The following RNF144A variants were observed in gnomAD, a reference collection of about 807,000 sequenced individuals.
RNF144A encodes the protein E3 ubiquitin-protein ligase RNF144A.
Under a neutral mutation model 38.7 loss-of-function variants are expected in RNF144A, and 11 were observed. The ratio of observed to expected loss-of-function variants is 0.28; its 90% confidence interval spans 0.18 to 0.47. The LOEUF is 0.47. Among genes scored for constraint, RNF144A ranks in the 20% least tolerant of loss-of-function variants. RNF144A has a pLI of 0.99. For missense variants in RNF144A, 316 were observed against 377.2 expected (o/e 0.84, Z 1.34); for synonymous variants, 149 against 143.9 (o/e 1.04, Z -0.25).
At chr2:7,006,061 C>T (rs1670423758) in intron 3 of RNF144A, among the ~76,000 whole-genome samples, 1 of 151,560 alleles carries the variant, frequency 6.6e-6, no homozygotes, top group South Asian at 2.1e-4. Flanking sequence ...CTCGTGTTGC[C>T]CCTGAAATCA....
chr2:7,075,939 A>C, the RNF144A span, among the ~76,000 whole-genome samples: 1 of 152,162 alleles, frequency 6.6e-6, no homozygotes, highest in Non-Finnish European at 1.5e-5. Context: ...TGTGTTTCTT[A>C]CTGTACTTTG....
At chr2:6,948,818 G>A (rs1210316039) in intron 2 of RNF144A, among the ~76,000 whole-genome samples, 2 of 152,196 alleles carry the variant, frequency 1.3e-5, no homozygotes. Context: ...CCATTTTAAG[G>A]GCTATCAGCT....
chr2:6,990,440 CTATA>C (rs558896860), intron 2 of RNF144A, among the ~76,000 whole-genome samples: 30 of 64,752 alleles, frequency 4.6e-4, no homozygotes, highest in African/African-American at 1.3e-3. Flanking sequence ...ACACACAGAG[CTATA>C]TATATATATA....
chr2:6,946,726 G>A lies in RNF144A; in HGVS notation c.-12+5579G>A, dbSNP rs192983133. 2.4e-4 allele frequency among the ~76,000 whole-genome samples: 36 copies of A among 152,090 alleles called. No homozygotes were observed. In the East Asian group the frequency reaches 6.0e-3, roughly 25 times the overall value. On this transcript the variant is annotated intron_variant, in intron 2 of 8. Transcript: ENST00000320892. The stretch of plus-strand genomic sequence containing the variant: ...GAAGCATTTTTAATAATAAAATCAC[G>A]TATTAAGATTTTTTTCAAGCTCGTT...
intron 3 of RNF144A, among the ~76,000 whole-genome samples, chr2:6,998,893 G>T (rs564334234): frequency 1.3e-5 from 2 of 152,208 alleles, no homozygotes; most frequent in South Asian, 2.1e-4. Flanking sequence ...AATGCCTTGT[G>T]GGGGGTGGGG....
At chr2:7,049,052 C>T (rs889406389), downstream of RNF144A, among the ~76,000 whole-genome samples, 3 of 152,146 alleles carry the variant, frequency 2.0e-5, no homozygotes, top group African/African-American at 4.8e-5. Flanking sequence ...GTTTGTGGGG[C>T]CCTATAGGAT....
chr2:7,050,066 T>A (rs309289), intron 6 of RNF144A, among the ~76,000 whole-genome samples: 52,390 of 152,116 alleles, frequency 0.34, 10,330 homozygotes, highest in South Asian at 0.56. Flanking sequence ...AAGGAAGAAC[T>A]GTTTGCCTTT....
chr2:7,043,305 G>C lies in RNF144A; in HGVS notation c.*3545G>C. The C allele has an allele frequency of 1.0e-6, 1 of 985,176 alleles. No homozygotes were observed. Among genetic ancestry groups the C allele is most frequent in the Non-Finnish European group, 1.2e-6 (1 of 829,752 alleles). 61.0% of individuals were successfully genotyped at this position (985,176 alleles called of 1,614,324 possible). A position where few individuals can be genotyped will look rare whatever the true frequency, so the allele number is the denominator to read the frequency against. Reference sequence around the variant, plus strand: ...AGATGCAAAAATTACTTCAAGATGAGTTTATTGTTTTCATTTGTATTGCAA... The same window carrying C: ...AGATGCAAAAATTACTTCAAGATGACTTTATTGTTTTCATTTGTATTGCAA... On this transcript the variant is annotated 3_prime_UTR_variant, in exon 9 of 9. Transcript: ENST00000320892.
chr2:6,976,382 C>T (rs1053542470), intron 2 of RNF144A, among the ~76,000 whole-genome samples: 1 of 150,956 alleles, frequency 6.6e-6, no homozygotes, highest in East Asian at 2.0e-4. Flanking sequence ...TTTTTCTTTT[C>T]CTGTGAATTT....
chr2:6,971,289 C>T (rs1158556607), intron 2 of RNF144A, among the ~76,000 whole-genome samples: 1 of 152,154 alleles, frequency 6.6e-6, no homozygotes, highest in Non-Finnish European at 1.5e-5. Flanking sequence ...TTGAGTGGGC[C>T]TACCTTCTTT....
At chr2:7,034,817 C>T (rs115698492) in intron 8 of RNF144A, among the ~76,000 whole-genome samples, 2,035 of 152,240 alleles carry the variant, frequency 0.013, 49 homozygotes, top group African/African-American at 0.047. Flanking sequence ...ACAGTGTGAG[C>T]GGAGGCACAG....
chr2:6,973,648 A>G (rs1668128084), intron 2 of RNF144A, among the ~76,000 whole-genome samples: 1 of 152,244 alleles, frequency 6.6e-6, no homozygotes. Flanking sequence ...AGGAAAATTA[A>G]CTTTGTTCCA....
chr2:7,073,787 C>T, the RNF144A span, among the ~76,000 whole-genome samples: 1 of 152,288 alleles, frequency 6.6e-6, no homozygotes, highest in African/African-American at 2.4e-5. Context: ...TAAATTGGTC[C>T]TTGTAGGGTC....
intron 1 of RNF144A, among the ~76,000 whole-genome samples, chr2:6,932,460 T>A (rs1387435441): frequency 2.0e-5 from 3 of 152,046 alleles, no homozygotes; most frequent in Non-Finnish European, 4.4e-5. Flanking sequence ...ATTTGGAGAT[T>A]TTTTTTTCCT....
chr2:7,030,257 C>CTG (rs58324246), intron 8 of RNF144A, 42 bp downstream of exon 8: 20,199 of 721,602 alleles, frequency 0.028, 223 homozygotes, highest in African/African-American at 0.044. Flanking sequence ...CAGAGAGAGA[C>CTG]TGTGTGTGTG....
Position 6,941,617 on chromosome 2 carries a change from A to G in RNF144A, c.-12+470A>G, listed in dbSNP as rs1020010351. ...AGACAGACAATTCTCATTTGACAGT[A>G]GCCGGAAGCAAATTATATACTATGC... On this transcript the variant is annotated intron_variant, in intron 2 of 8. Coordinates refer to ENST00000320892, the MANE Select transcript of RNF144A (RefSeq NM_014746.6). This position sits in a 1 kb window ranked among gnomAD's most constrained non-coding sequence, Gnocchi z 6.5. 5.3e-5 allele frequency among the ~76,000 whole-genome samples: 8 copies of G among 152,262 alleles called. No homozygotes were observed. The highest frequency in any genetic ancestry group is 1.2e-4 in the Non-Finnish European group (8 of 68,046).
chr2:7,017,066 T>G (rs992037728), intron 5 of RNF144A, among the ~76,000 whole-genome samples: 1 of 152,172 alleles, frequency 6.6e-6, no homozygotes, highest in African/African-American at 2.4e-5. Context: ...AGGGACAGAT[T>G]CTTGAGCGAG....
intron 2 of RNF144A, among the ~76,000 whole-genome samples, chr2:6,951,296 T>C (rs1474828493): frequency 6.6e-6 from 1 of 151,424 alleles, no homozygotes; most frequent in East Asian, 1.9e-4. Flanking sequence ...TTTTTCTCTG[T>C]CTCCTTTATT....
intron 8 of RNF144A, among the ~76,000 whole-genome samples, chr2:7,035,073 T>C (rs1001450560): frequency 4.6e-5 from 7 of 152,234 alleles, no homozygotes; most frequent in African/African-American, 1.7e-4. Flanking sequence ...TCTTCATCTC[T>C]GCAAAGCAGA....
Sources: allele counts gnomAD v4.1 joint callset (sites outside exome capture counted in the v4.1 genomes callset), GRCh38; gene constraint gnomAD v4.1.1; non-coding constraint Gnocchi (gnomAD v3.1); transcripts MANE v1.5; gene names NCBI Gene and HGNC (gene_info 2026-07-23, HGNC 2026-07-21).